NETO1: variants seen among roughly 807,000 people sequenced by gnomAD.
NETO1 encodes the protein neuropilin and tolloid-like protein 1.
NETO1 carries 26 observed loss-of-function variants against 61.3 expected under a neutral mutation model. That is an observed-to-expected ratio of 0.42 (90% CI 0.31 to 0.59). The LOEUF is 0.59. Among genes scored for constraint, NETO1 ranks in the 20% least tolerant of loss-of-function variants. The pLI, the probability that NETO1 is intolerant of heterozygous loss-of-function variation, is 0.12. For synonymous variants in NETO1, 225 were observed against 225.8 expected, an observed-to-expected ratio of 1.00 and a Z score of 0.03; for missense variants, 531 against 662.8, an observed-to-expected ratio of 0.80 and a Z score of 2.18.
At chr18:72,811,682 G>A (rs753472934) in intron 4 of NETO1, among the ~76,000 whole-genome samples, 3 of 152,124 alleles carry the variant, frequency 2.0e-5, no homozygotes, top group South Asian at 2.1e-4. Flanking sequence ...GCATGTGCCC[G>A]TAGTCCCAGC....
At chr18:72,783,395 G>A (rs1488763233) in intron 7 of NETO1, among the ~76,000 whole-genome samples, 3 of 152,190 alleles carry the variant, frequency 2.0e-5, no homozygotes, top group Non-Finnish European at 4.4e-5. Context: ...CTTCCTAAGA[G>A]CTAAATTGAA....
At chr18:72,858,496 G>A (rs2074471356) in intron 4 of NETO1, among the ~76,000 whole-genome samples, 2 of 152,146 alleles carry the variant, frequency 1.3e-5, no homozygotes, top group Non-Finnish European at 2.9e-5. Context: ...GTCTTTTCAA[G>A]TTTATTCAGC....
rs1288095211 is a variant in NETO1 at position 72,867,793 on chromosome 18, C to CCGG, written c.-505_-503dup. On this transcript the variant is annotated 5_prime_UTR_variant, in exon 1 of 11. Transcript: ENST00000327305. The stretch of plus-strand genomic sequence containing the variant: ...GACGGAGCGGGCGGCGGCGGCGGCG[C>CCGG]CGGCGGCGGCGGGGTGGCTCAGTCC... 11 of 156,406 alleles carry CCGG rather than the reference C, an allele frequency of 7.0e-5. No individual in the cohort carries two copies. The highest frequency in any genetic ancestry group is 1.9e-4 in the East Asian group (1 of 5,148). The allele number at this position is 156,406 out of a possible 1,614,324, so 9.7% of individuals were successfully genotyped here.
intron 4 of NETO1, among the ~76,000 whole-genome samples, chr18:72,823,223 C>A (rs939348779): frequency 6.6e-6 from 1 of 152,132 alleles, no homozygotes; most frequent in Non-Finnish European, 1.5e-5. Context: ...AAATTGCTAA[C>A]CTCATGGCAT....
In NETO1 at chr18:72,757,862, G is replaced by C. The variant is rs1419438836; in HGVS notation, c.869-1715C>G. Among the ~76,000 whole-genome samples, 10 of 152,208 alleles carry C rather than the reference G, an allele frequency of 6.6e-5. No homozygotes were observed. In the East Asian group the frequency reaches 1.9e-3, roughly 29 times the overall value. On this transcript the variant is annotated intron_variant, in intron 7 of 10. Coordinates refer to ENST00000327305, the MANE Select transcript of NETO1 (RefSeq NM_138966.5). Reference sequence around the variant, plus strand: ...AAATTTGTATGCAGCATATAAAGGAGATTTTGGCAAAGTTTATATTAGAAT... The same window carrying C: ...AAATTTGTATGCAGCATATAAAGGACATTTTGGCAAAGTTTATATTAGAAT...
intron 3 of NETO1, among the ~76,000 whole-genome samples, chr18:72,862,477 T>C (rs1361798512): frequency 2.0e-5 from 3 of 152,172 alleles, no homozygotes; most frequent in African/African-American, 7.2e-5. Context: ...ATTTTTCCTT[T>C]AAACCAATTT....
chr18:72,833,887 T>C (rs923126860), intron 4 of NETO1, among the ~76,000 whole-genome samples: 3 of 152,214 alleles, frequency 2.0e-5, no homozygotes, highest in East Asian at 3.8e-4. Context: ...AACATTATTA[T>C]ATATCTCATT....
At chr18:72,832,402 T>C (rs982321622) in intron 4 of NETO1, among the ~76,000 whole-genome samples, 1 of 152,214 alleles carries the variant, frequency 6.6e-6, no homozygotes, top group African/African-American at 2.4e-5. Flanking sequence ...CAAGTTTTTT[T>C]CTTTTTCCCC....
At chr18:72,850,392 A>G (rs1050740408) in intron 4 of NETO1, among the ~76,000 whole-genome samples, 1 of 152,204 alleles carries the variant, frequency 6.6e-6, no homozygotes. Flanking sequence ...CAAATTATAA[A>G]ATATAATAGG....
At chr18:72,799,380 C>A (rs150636305) in intron 4 of NETO1, among the ~76,000 whole-genome samples, 1 of 152,266 alleles carries the variant, frequency 6.6e-6, no homozygotes, top group South Asian at 2.1e-4. Flanking sequence ...CATGAGGATA[C>A]GTTATGTGCA....
chr18:72,763,262 C>T (rs2071040115), intron 7 of NETO1, among the ~76,000 whole-genome samples: 1 of 151,976 alleles, frequency 6.6e-6, no homozygotes, highest in African/African-American at 2.4e-5. Flanking sequence ...ATAAAACTAT[C>T]ATTGGTAATT....
At chr18:72,848,170 C>T (rs1262210364) in intron 4 of NETO1, among the ~76,000 whole-genome samples, 3 of 152,166 alleles carry the variant, frequency 2.0e-5, no homozygotes, top group African/African-American at 7.2e-5. Context: ...ACATTAATTT[C>T]CTTTTGCCAT....
intron 7 of NETO1, among the ~76,000 whole-genome samples, chr18:72,765,973 G>A (rs1454584230): frequency 3.0e-4 from 45 of 152,114 alleles, no homozygotes; most frequent in Non-Finnish European, 2.1e-4. Context: ...TCGGGAGGCC[G>A]AGGTGGGTGG....
At chr18:72,839,885 G>A (rs117049021) in intron 4 of NETO1, among the ~76,000 whole-genome samples, 353 of 152,188 alleles carry the variant, frequency 2.3e-3, no homozygotes, top group Non-Finnish European at 3.6e-3. Context: ...TGGAGAAGAG[G>A]GACAGACTTT....
chr18:72,779,239 T>C (rs2071658539), intron 7 of NETO1, among the ~76,000 whole-genome samples: 1 of 151,716 alleles, frequency 6.6e-6, no homozygotes, highest in Non-Finnish European at 1.5e-5. Flanking sequence ...ATAAGGCACA[T>C]ATTGGATGTG....
intron 4 of NETO1, among the ~76,000 whole-genome samples, chr18:72,855,962 G>A (rs1315134127): frequency 6.6e-6 from 1 of 152,188 alleles, no homozygotes; most frequent in African/African-American, 2.4e-5. Flanking sequence ...ACCCAGGTAT[G>A]TTTGCTTGCA....
chr18:72,761,564 A>C (rs887072324), intron 7 of NETO1, among the ~76,000 whole-genome samples: 1 of 152,172 alleles, frequency 6.6e-6, no homozygotes, highest in Admixed American at 6.5e-5. Flanking sequence ...TTGGAAAAGC[A>C]AGCCAGGCCA....
chr18:72,846,532 A>AAAAAAG (rs2074093018), intron 4 of NETO1, among the ~76,000 whole-genome samples: 2 of 149,400 alleles, frequency 1.3e-5, no homozygotes, highest in South Asian at 4.2e-4. Context: ...AAAAAAAAAA[A>AAAAAAG]AAGAAGATGC....
At chr18:72,803,808 C>G (rs1031852843) in intron 4 of NETO1, among the ~76,000 whole-genome samples, 2 of 149,274 alleles carry the variant, frequency 1.3e-5, no homozygotes, top group Admixed American at 1.3e-4. Context: ...GCAACAAGAG[C>G]GGAACTCCGT....
Sources: allele counts gnomAD v4.1 joint callset (sites outside exome capture counted in the v4.1 genomes callset), GRCh38; gene constraint gnomAD v4.1.1; transcripts MANE v1.5; gene names NCBI Gene and HGNC (gene_info 2026-07-23, HGNC 2026-07-21).